The following VRTN variants were observed in gnomAD, a reference collection of about 807,000 sequenced individuals.
VRTN encodes vertebrae development associated.
In VRTN, 5 loss-of-function variants were observed where a neutral mutation model predicts 18.2. The observed-to-expected ratio is 0.27, with a 90% CI of 0.14 to 0.58. The LOEUF (loss-of-function observed/expected upper bound fraction) is 0.58, where lower values mean the gene tolerates loss of function less well. VRTN is among the 20% of genes least tolerant of loss of function. VRTN has a pLI of 0.91. For synonymous variants in VRTN, 381 were observed against 393.7 expected (o/e 0.97, Z 0.38); for missense variants, 741 against 939.4 (o/e 0.79, Z 2.76).
chr14:74,335,038 T>C (rs2085554528), intron 1 of VRTN, among the ~76,000 whole-genome samples: 1 of 152,070 alleles, frequency 6.6e-6, no homozygotes, highest in African/African-American at 2.4e-5. Context: ...TCCCAGCAGT[T>C]TGGGAGGCCG....
At chr14:74,356,730 A>G in intron 1 of VRTN, 53 bp from the exon 2 acceptor site, 1 of 1,519,106 alleles carries the variant, frequency 6.6e-7, no homozygotes, top group Non-Finnish European at 8.8e-7. Context: ...TTTGCTAGTC[A>G]TCATCTGGGC....
At chr14:74,349,009 C>T (rs1458262538) in intron 1 of VRTN, among the ~76,000 whole-genome samples, 1 of 152,182 alleles carries the variant, frequency 6.6e-6, no homozygotes, top group Non-Finnish European at 1.5e-5. Context: ...GACCTGCCAG[C>T]TCCCTCTTTT....
At chr14:74,356,729 C>G (rs1398977786) in intron 1 of VRTN, 54 bp from the exon 2 acceptor site, 1 of 1,518,100 alleles carries the variant, frequency 6.6e-7, no homozygotes. Context: ...CTTTGCTAGT[C>G]ATCATCTGGG....
intron 1 of VRTN, among the ~76,000 whole-genome samples, chr14:74,351,495 G>GTTT (rs59810913): frequency 4.3e-4 from 39 of 89,678 alleles, no homozygotes; most frequent in African/African-American, 1.2e-3. Context: ...TGATTACCAG[G>GTTT]TTTTTTTTTT....
At chr14:74,342,434 T>C (rs533927765) in intron 2 of VRTN, among the ~76,000 whole-genome samples, 1 of 152,276 alleles carries the variant, frequency 6.6e-6, no homozygotes, top group Admixed American at 6.5e-5. Flanking sequence ...TATGTGTATG[T>C]AAATATGTGT....
At chr14:74,323,457 G>A (rs768485871) in intron 1 of VRTN, among the ~76,000 whole-genome samples, 1 of 150,974 alleles carries the variant, frequency 6.6e-6, no homozygotes, top group Non-Finnish European at 1.5e-5. Context: ...GGTGGTGGGC[G>A]CCTGTAATCC....
At position 74,358,395 on chromosome 14, in the gene VRTN, CCTT is replaced by C. The variant is rs2085752198; in HGVS notation, c.1615_1617del (p.Ser539del). ...CCGCCTCCGCTACCCCAGCCTGTCA[CCTT>C]CTGCCTTTTGGGTCTGGAAGAGTCT... is the stretch of plus-strand genomic sequence containing the variant. On this transcript the variant is annotated inframe_deletion, in exon 2 of 2. Coordinates refer to ENST00000256362, the MANE Select transcript of VRTN (RefSeq NM_018228.3). This position sits in a 1 kb window ranked among gnomAD's most constrained non-coding sequence, Gnocchi z 5.4. 1.2e-6 allele frequency: 2 copies of C among 1,614,130 alleles called. No homozygotes were observed. The highest frequency in any genetic ancestry group is 1.3e-5 in the African/African-American group (1 of 75,088).
At chr14:74,346,670 TGA>T (rs1377250976), upstream of VRTN, among the ~76,000 whole-genome samples, 4 of 152,248 alleles carry the variant, frequency 2.6e-5, no homozygotes, top group Admixed American at 2.6e-4. Context: ...CAAAATATAC[TGA>T]GATGTTAACA....
At position 74,357,264 on chromosome 14, in the gene VRTN, G is replaced by A. The variant is rs201868876; in HGVS notation, c.481G>A (p.Val161Ile). Reference sequence around the variant, plus strand: ...GCTGGAGGCCATCTTCGATGCCGACGTCAAGGCCTCCTGTTTCCCCAGCAG... The same window carrying A: ...GCTGGAGGCCATCTTCGATGCCGACATCAAGGCCTCCTGTTTCCCCAGCAG... ...ATLEAIFDAD[V>I]KASCFPSSFS... Residue 161 changes from valine to isoleucine, a missense_variant, in exon 2 of 2, where the codon GTC becomes ATC. By Grantham distance (29) the Val-to-Ile change is conservative. Transcript: ENST00000256362. The surrounding 1 kb of genome is among the most constrained non-coding windows in gnomAD (Gnocchi z 7.8). 6.2e-6 allele frequency: 10 copies of A among 1,613,622 alleles called. No homozygotes were observed. The highest frequency in any genetic ancestry group is 3.3e-5 in the South Asian group (3 of 91,080).
At chr14:74,306,155 TATATA>T (rs2085348185) in intron 1 of VRTN, 5 of 73,540 alleles carry the variant, frequency 6.8e-5, no homozygotes, top group East Asian at 6.7e-4. Context: ...CATATATATA[TATATA>T]TATATATATA....
intron 2 of VRTN, among the ~76,000 whole-genome samples, chr14:74,341,668 A>C (rs1055104966): frequency 6.6e-6 from 1 of 152,094 alleles, no homozygotes; most frequent in African/African-American, 2.4e-5. Flanking sequence ...ACAGGCGCCC[A>C]GCACCATGCC....
chr14:74,355,141 CAAAA>C (rs34077833), intron 1 of VRTN, among the ~76,000 whole-genome samples: 4 of 108,586 alleles, frequency 3.7e-5, no homozygotes, highest in African/African-American at 7.5e-5. Flanking sequence ...GACTCAGTCT[CAAAA>C]AAAAAAAAAA....
chr14:74,340,730 A>G (rs2085599424), intron 2 of VRTN, among the ~76,000 whole-genome samples: 1 of 152,198 alleles, frequency 6.6e-6, no homozygotes, highest in South Asian at 2.1e-4. Flanking sequence ...TGAATGATGA[A>G]TTATATGAAA....
At position 74,329,931 on chromosome 14, in the gene VRTN, G is replaced by T. The variant is rs1036413700; in HGVS notation, c.-163-7792G>T. 2.0e-5 allele frequency among the ~76,000 whole-genome samples: 3 copies of T among 150,496 alleles called. 1 individual carries two copies. Among genetic ancestry groups the T allele is most frequent in the Non-Finnish European group, 4.4e-5 (3 of 67,786 alleles). ...TGTATCACCCAGGCTGGAGTGCGGT[G>T]GCACTATCTCAGCTCACTGCAACCT... On this transcript the variant is annotated intron_variant, in intron 1 of 2. Coordinates refer to the VRTN transcript ENST00000557177.
At chr14:74,303,150 G>A in exon 1 of VRTN, 1 of 434,828 alleles carries the variant, frequency 2.3e-6, no homozygotes, top group Non-Finnish European at 4.1e-6. Context: ...TTTGACAATA[G>A]GTATCCGAGA....
At chr14:74,344,244 T>TCCAAAAAAAAAAAAAAAAAAAAAAA (rs760737512), upstream of VRTN, among the ~76,000 whole-genome samples, 1 of 2,476 alleles carries the variant, frequency 4.0e-4, no homozygotes. Flanking sequence ...CTCTGCTTTC[T>TCCAAAAAAAAAAAAAAAAAAAAAAA]ACAAAAAAAA....
rs191212455 is a variant in VRTN at position 74,336,437 on chromosome 14, C to A, written c.-163-1286C>A. On this transcript the variant is annotated intron_variant, in intron 1 of 2. Transcript: ENST00000557177. ...AAAACCCGCCTCTTTCCACAAACCTCTTCTCCAGGGTTTTCCATTAGTTTG... is the reference window on the plus strand; with the variant it reads ...AAAACCCGCCTCTTTCCACAAACCTATTCTCCAGGGTTTTCCATTAGTTTG... Among the ~76,000 whole-genome samples the A allele has an allele frequency of 1.1e-4, 16 of 151,790 alleles. No individual in the cohort carries two copies. In the East Asian group the frequency reaches 2.2e-3, roughly 20 times the overall value.
intron 1 of VRTN, among the ~76,000 whole-genome samples, chr14:74,349,285 C>T (rs1375632657): frequency 6.6e-6 from 1 of 151,992 alleles, no homozygotes; most frequent in African/African-American, 2.4e-5. Context: ...AGCTGGCCTC[C>T]AGGGCCACCG....
At chr14:74,321,903 C>G (rs903567165) in intron 1 of VRTN, among the ~76,000 whole-genome samples, 2 of 149,816 alleles carry the variant, frequency 1.3e-5, no homozygotes, top group African/African-American at 4.9e-5. Context: ...TGCAGTGGTG[C>G]GATCTTGGCT....
Sources: gnomAD v4.1 joint callset for allele counts (sites outside exome capture counted in the v4.1 genomes callset) on GRCh38, gnomAD v4.1.1 for gene constraint, Gnocchi (gnomAD v3.1) non-coding constraint, MANE v1.5 for transcripts, NCBI Gene and HGNC (gene_info 2026-07-23, HGNC 2026-07-21) for gene names.